The following CNTN4 variants were observed in gnomAD, a reference collection of about 807,000 sequenced individuals.
The protein encoded by CNTN4 is contactin 4, also known as contactin-4.
A neutral mutation model predicts 122.5 loss-of-function variants in CNTN4; 77 were observed. The observed-to-expected ratio is 0.63, with a 90% CI of 0.52 to 0.76. The LOEUF (loss-of-function observed/expected upper bound fraction) is 0.76, where lower values mean the gene tolerates loss of function less well. CNTN4 is among the 30% of genes least tolerant of loss of function. The pLI is 0.00. For synonymous variants in CNTN4, 512 were observed against 447.0 expected (o/e 1.15, Z -1.83); for missense variants, 1,256 against 1,259.1 (o/e 1.00, Z 0.04).
chr3:2,351,744 G>T (rs1402961332), intron 3 of CNTN4, among the ~76,000 whole-genome samples: 1 of 151,172 alleles, frequency 6.6e-6, no homozygotes, highest in Non-Finnish European at 1.5e-5. Flanking sequence ...GATAAGAGGG[G>T]ACTACTGTTT....
At chr3:2,247,083 T>G (rs1405321457) in intron 2 of CNTN4, among the ~76,000 whole-genome samples, 5 of 152,022 alleles carry the variant, frequency 3.3e-5, no homozygotes, top group Non-Finnish European at 7.4e-5. Flanking sequence ...TTCTACTATA[T>G]ATTTACACAG....
intron 7 of CNTN4, among the ~76,000 whole-genome samples, chr3:2,832,104 T>C (rs114671095): frequency 0.013 from 2,031 of 152,308 alleles, 18 homozygotes; most frequent in South Asian, 0.027. Flanking sequence ...TCACTGTCTC[T>C]GCAAGCCAGC....
At chr3:2,441,366 G>A (rs780062912) in intron 3 of CNTN4, among the ~76,000 whole-genome samples, 2 of 152,264 alleles carry the variant, frequency 1.3e-5, no homozygotes, top group African/African-American at 4.8e-5. Context: ...CCTCCTGCCT[G>A]TATGATCTGA....
intron 3 of CNTN4, among the ~76,000 whole-genome samples, chr3:2,433,078 C>T (rs1012949060): frequency 6.6e-6 from 1 of 152,096 alleles, no homozygotes; most frequent in Non-Finnish European, 1.5e-5. Flanking sequence ...CCACCTCAGC[C>T]ACATAAAGTG....
intron 4 of CNTN4, among the ~76,000 whole-genome samples, chr3:2,605,894 TAGTC>T (rs1171865921): frequency 1.3e-5 from 2 of 152,256 alleles, no homozygotes; most frequent in African/African-American, 4.8e-5. Context: ...AATATGATAA[TAGTC>T]AGTAGTTAGT....
At chr3:2,488,806 C>G (rs2076234353) in intron 3 of CNTN4, among the ~76,000 whole-genome samples, 1 of 152,152 alleles carries the variant, frequency 6.6e-6, no homozygotes, top group Non-Finnish European at 1.5e-5. Flanking sequence ...GCATAAACTT[C>G]TCTATGCATT....
intron 2 of CNTN4, among the ~76,000 whole-genome samples, chr3:2,220,317 T>G (rs550583489): frequency 2.6e-4 from 39 of 152,284 alleles, no homozygotes; most frequent in African/African-American, 8.7e-4. Flanking sequence ...GATGTTTTTG[T>G]TTTCCCACTG....
intron 4 of CNTN4, among the ~76,000 whole-genome samples, chr3:2,609,290 C>T (rs2081383828): frequency 6.6e-6 from 1 of 152,186 alleles, no homozygotes; most frequent in South Asian, 2.1e-4. Context: ...AGGAAACTAG[C>T]TTAGGACCCT....
intron 3 of CNTN4, among the ~76,000 whole-genome samples, chr3:2,427,876 A>C (rs1445939029): frequency 6.6e-6 from 1 of 151,786 alleles, no homozygotes; most frequent in East Asian, 1.9e-4. Flanking sequence ...CTGTTTTATC[A>C]GAGACTAAGA....
At chr3:3,003,895 G>T (rs142180129) in intron 14 of CNTN4, among the ~76,000 whole-genome samples, 2 of 151,774 alleles carry the variant, frequency 1.3e-5, no homozygotes, top group African/African-American at 2.4e-5. Context: ...GATTACAGGC[G>T]CACGCCAGCA....
intron 14 of CNTN4, among the ~76,000 whole-genome samples, chr3:3,016,927 G>C (rs752475855): frequency 6.6e-6 from 1 of 152,086 alleles, no homozygotes; most frequent in Non-Finnish European, 1.5e-5. Flanking sequence ...CGCCGACTGG[G>C]GTCAAAATTT....
intron 3 of CNTN4, among the ~76,000 whole-genome samples, chr3:2,455,148 G>A (rs987082868): frequency 2.6e-5 from 4 of 152,260 alleles, no homozygotes; most frequent in East Asian, 3.9e-4. Flanking sequence ...ATGGACTTAT[G>A]AGTTCTTCCA....
intron 3 of CNTN4, among the ~76,000 whole-genome samples, chr3:2,481,985 G>T (rs1167133196): frequency 1.3e-5 from 2 of 152,184 alleles, no homozygotes; most frequent in African/African-American, 2.4e-5. Flanking sequence ...TGTGAGAACA[G>T]ACTAATACAG....
chr3:2,754,438 A>G (rs1350682939), intron 6 of CNTN4, among the ~76,000 whole-genome samples: 2 of 152,130 alleles, frequency 1.3e-5, no homozygotes, highest in South Asian at 4.1e-4. Context: ...TATCATGGTC[A>G]TGGGCAAGGT....
At chr3:2,173,280 G>A (rs1433261376) in intron 2 of CNTN4, among the ~76,000 whole-genome samples, 2 of 152,166 alleles carry the variant, frequency 1.3e-5, no homozygotes, top group Non-Finnish European at 2.9e-5. Context: ...AATCTACTAA[G>A]TTGCTAATTA....
At chr3:2,671,474 T>C (rs995241495) in intron 4 of CNTN4, among the ~76,000 whole-genome samples, 1 of 152,184 alleles carries the variant, frequency 6.6e-6, no homozygotes, top group Non-Finnish European at 1.5e-5. Flanking sequence ...CATTGGTTAT[T>C]CTAGTTAGCC....
At chr3:2,198,836 C>T (rs2037964995) in intron 2 of CNTN4, among the ~76,000 whole-genome samples, 1 of 152,150 alleles carries the variant, frequency 6.6e-6, no homozygotes, top group African/African-American at 2.4e-5. Flanking sequence ...AAATTATGCT[C>T]ATCACAAAAG....
At chr3:2,572,998 T>G (rs1021195580) in intron 4 of CNTN4, among the ~76,000 whole-genome samples, 1 of 152,216 alleles carries the variant, frequency 6.6e-6, no homozygotes, top group Non-Finnish European at 1.5e-5. Flanking sequence ...ATTTATCATT[T>G]ATTTCACTGT....
intron 2 of CNTN4, among the ~76,000 whole-genome samples, chr3:2,315,233 A>G (rs1475096196): frequency 7.4e-6 from 1 of 135,574 alleles, no homozygotes; most frequent in Non-Finnish European, 1.7e-5. Flanking sequence ...CGCTATAATA[A>G]GTAACTTCTC....
Sources: allele counts gnomAD v4.1 joint callset (sites outside exome capture counted in the v4.1 genomes callset), GRCh38; gene constraint gnomAD v4.1.1; transcripts MANE v1.5; gene names NCBI Gene and HGNC (gene_info 2026-07-23, HGNC 2026-07-21).